The following BCAS3 variants were observed in gnomAD, a reference collection of about 807,000 sequenced individuals.
BCAS3 encodes BCAS3 microtubule associated cell migration factor, also known as BCAS4/BCAS3 fusion.
A neutral mutation model predicts 116.1 loss-of-function variants in BCAS3; 53 were observed. That is an observed-to-expected ratio of 0.46 (90% confidence interval 0.37 to 0.57). The LOEUF (loss-of-function observed/expected upper bound fraction) is 0.57. BCAS3 is among the 20% of genes least tolerant of loss of function. The pLI, the probability that BCAS3 is intolerant of heterozygous loss-of-function variation, is 0.00. For missense variants in BCAS3, 917 were observed against 1,165.4 expected, an observed-to-expected ratio of 0.79 and a Z score of 3.10; for synonymous variants, 391 against 408.2, an observed-to-expected ratio of 0.96 and a Z score of 0.51.
rs755437031 is a variant in BCAS3, at chr17:61,392,023, C to A, written c.2640C>A (p.Gly880=). Residue 880 remains glycine (G), a synonymous_variant, in exon 24 of 24, where the codon GGC becomes GGA. Transcript: ENST00000407086. The surrounding 1 kb of genome is among the most constrained non-coding windows in gnomAD (Gnocchi z 6.4). ...TCGAGACTCTGAGTAACAGCTCAGG[C>A]TCCACCAGCGGCAGCATACCAAGAA... is the stretch of plus-strand genomic sequence containing the variant. The part of the protein sequence containing the change: ...GSIETLSNSS[G]STSGSIPRNF... 1 of 1,613,920 alleles carries A rather than the reference C, an allele frequency of 6.2e-7. No individual in the cohort carries two copies. Among genetic ancestry groups the A allele is most frequent in the African/African-American group, 1.3e-5 (1 of 75,050 alleles).
At chr17:60,926,613 G>A (rs1292669889) in intron 13 of BCAS3, among the ~76,000 whole-genome samples, 7 of 152,202 alleles carry the variant, frequency 4.6e-5, no homozygotes, top group Middle Eastern at 3.4e-3. Context: ...TGAAAAAACA[G>A]CCTGGAAGTT....
At chr17:61,360,131 G>A (rs1215760993) in intron 22 of BCAS3, among the ~76,000 whole-genome samples, 8 of 151,614 alleles carry the variant, frequency 5.3e-5, no homozygotes, top group Non-Finnish European at 8.8e-5. Flanking sequence ...AGCCTCCCAA[G>A]TAGCTGGGAC....
chr17:60,881,769 CTCA>C (rs1439364668), intron 9 of BCAS3, among the ~76,000 whole-genome samples: 2 of 150,950 alleles, frequency 1.3e-5, no homozygotes, highest in Admixed American at 6.6e-5. Flanking sequence ...AGGACATGAA[CTCA>C]TCATTTTTTA....
At chr17:61,187,158 A>T (rs1415401537) in intron 22 of BCAS3, among the ~76,000 whole-genome samples, 1 of 152,234 alleles carries the variant, frequency 6.6e-6, no homozygotes, top group Admixed American at 6.5e-5. Context: ...CAACTTGCCA[A>T]CACAAACCAA....
chr17:61,235,331 C>T lies in BCAS3; in HGVS notation c.2426-132996C>T, dbSNP rs888659953. 1.3e-4 allele frequency among the ~76,000 whole-genome samples: 20 copies of T among 152,190 alleles called. No homozygotes were observed. The highest frequency in any genetic ancestry group is 8.5e-4 in the Admixed American group (13 of 15,280). ...CTAGTTATAGTCTAAGACTTGCAGA[C>T]AGGCAGCCTGGGAAGATCTCAAACA... On this transcript the variant is annotated intron_variant, in intron 22 of 23. Coordinates refer to ENST00000407086, the MANE Select transcript of BCAS3 (RefSeq NM_017679.5). This position sits in a 1 kb window ranked among gnomAD's most constrained non-coding sequence, Gnocchi z 5.0.
intron 22 of BCAS3, among the ~76,000 whole-genome samples, chr17:61,163,220 C>T (rs976011151): frequency 6.6e-6 from 1 of 151,974 alleles, no homozygotes; most frequent in East Asian, 2.0e-4. Context: ...GTCAGGAGAT[C>T]AAGACCATCC....
intron 22 of BCAS3, among the ~76,000 whole-genome samples, chr17:61,314,593 G>T (rs1602616670): frequency 1.3e-5 from 2 of 152,306 alleles, no homozygotes; most frequent in Admixed American, 1.3e-4. Context: ...CAGCTACAGT[G>T]ACTTTGAGTC....
Position 61,300,256 on chromosome 17 carries a change from G to T in BCAS3, c.2426-68071G>T, listed in dbSNP as rs1353543936. Among the ~76,000 whole-genome samples, 1 of 152,184 alleles carries T rather than the reference G, an allele frequency of 6.6e-6. No homozygotes were observed. ...GTCCCAGTTGGTTTCACTGTCCCGA[G>T]ACCCTAAGGATGTTTTCGTAGAGCT... On this transcript the variant is annotated intron_variant, in intron 22 of 23. Transcript: ENST00000407086. The surrounding 1 kb of genome is among the most constrained non-coding windows in gnomAD (Gnocchi z 5.1).
rs114966831 is a variant in BCAS3 at position 60,946,540 on chromosome 17, G to A, written c.1088-679G>A. Among the ~76,000 whole-genome samples the A allele has an allele frequency of 5.3e-3, 810 of 152,230 alleles. 7 individuals are homozygous for A. The highest frequency in any genetic ancestry group is 0.018 in the African/African-American group (753 of 41,528). On this transcript the variant is annotated intron_variant, in intron 13 of 23. Coordinates refer to ENST00000407086, the MANE Select transcript of BCAS3 (RefSeq NM_017679.5). The stretch of plus-strand genomic sequence containing the variant: ...GTTGGATCAGTAGATAAATTGGAGC[G>A]TAGAATTAAAGCTTGAAGAAATTGC...
chr17:61,100,092 A>AT (rs2074230200), intron 22 of BCAS3, among the ~76,000 whole-genome samples: 1 of 152,230 alleles, frequency 6.6e-6, no homozygotes, highest in South Asian at 2.1e-4. Context: ...AACAGTTATT[A>AT]TATAAATGTT....
At chr17:61,386,069 G>A (rs2059831371) in intron 23 of BCAS3, among the ~76,000 whole-genome samples, 1 of 152,216 alleles carries the variant, frequency 6.6e-6, no homozygotes, top group Admixed American at 6.5e-5. Flanking sequence ...CACATTTGCT[G>A]ACTGGAAGCG....
rs1568157931 is a variant in BCAS3, at chr17:60,747,282, G to A, written c.403+3G>A. 3.1e-6 allele frequency: 5 copies of A among 1,609,716 alleles called. No homozygotes were observed. The highest frequency in any genetic ancestry group is 1.3e-5 in the African/African-American group (1 of 74,948). ...AATCTTGCCTGCTCCACAGTTTGGT[G>A]AGTGTAGTCCTTAAGAAAAGAATCT... On this transcript the variant is annotated splice_donor_region_variant and intron_variant, in intron 6 of 23. Transcript: ENST00000407086.
intron 12 of BCAS3, among the ~76,000 whole-genome samples, chr17:60,917,630 G>T (rs1235011124): frequency 6.6e-6 from 1 of 150,396 alleles, no homozygotes; most frequent in Admixed American, 6.6e-5. Context: ...GTCTTGCTCT[G>T]TTACCAAGGC....
At chr17:61,275,126 C>G (rs1214633426) in intron 22 of BCAS3, among the ~76,000 whole-genome samples, 1 of 152,120 alleles carries the variant, frequency 6.6e-6, no homozygotes, top group Non-Finnish European at 1.5e-5. Context: ...ACTAGGATTA[C>G]AGGCATTAGC....
In BCAS3 at chr17:61,392,074, G is replaced by GC. The variant is rs1423562271; in HGVS notation, c.2694dup (p.Thr899HisfsTer3). ...ACTTTGATGGCTACCGATCTCCGCT[G>GC]CCCACCAATGAGAGCCAGCCCCTCA... is the stretch of plus-strand genomic sequence containing the variant. On this transcript the variant is annotated frameshift_variant, in exon 24 of 24. Coordinates refer to ENST00000407086, the MANE Select transcript of BCAS3 (RefSeq NM_017679.5). LOFTEE classifies it high-confidence loss of function. This position sits in a 1 kb window ranked among gnomAD's most constrained non-coding sequence, Gnocchi z 6.4. 6.2e-7 allele frequency: 1 copy of GC among 1,613,698 alleles called. No homozygotes were observed. The highest frequency in any genetic ancestry group is 8.5e-7 in the Non-Finnish European group (1 of 1,179,994).
At chr17:60,743,724 A>C (rs1455230916) in intron 5 of BCAS3, among the ~76,000 whole-genome samples, 1 of 152,192 alleles carries the variant, frequency 6.6e-6, no homozygotes, top group Non-Finnish European at 1.5e-5. Context: ...AGGGCAAGAT[A>C]ACCTTCATTT....
chr17:60,710,800 C>T (rs1336945800), intron 5 of BCAS3, among the ~76,000 whole-genome samples: 1 of 148,492 alleles, frequency 6.7e-6, no homozygotes. Flanking sequence ...GTGTTCCATT[C>T]TGTTCTTTTT....
At chr17:60,910,926 A>G (rs1264797205) in intron 12 of BCAS3, among the ~76,000 whole-genome samples, 3 of 152,152 alleles carry the variant, frequency 2.0e-5, no homozygotes, top group Admixed American at 6.6e-5. Flanking sequence ...TCGAGGTTCT[A>G]AGAGATTCTC....
At position 61,247,811 on chromosome 17, in the gene BCAS3, C is replaced by T. The variant is rs142107658; in HGVS notation, c.2426-120516C>T. Among the ~76,000 whole-genome samples, 78 of 152,314 alleles carry T rather than the reference C, an allele frequency of 5.1e-4. 1 individual carries two copies. Among genetic ancestry groups the T allele is most frequent in the African/African-American group, 1.7e-3 (71 of 41,564 alleles). The stretch of plus-strand genomic sequence containing the variant: ...TTTCTCCTATCTACCATCAGGCCCC[C>T]GCCTCTAGGTTCCTTGGATCTCACC... On this transcript the variant is annotated intron_variant, in intron 22 of 23. Coordinates refer to ENST00000407086, the MANE Select transcript of BCAS3 (RefSeq NM_017679.5).
Sources: allele counts gnomAD v4.1 joint callset (sites outside exome capture counted in the v4.1 genomes callset), GRCh38; gene constraint gnomAD v4.1.1; non-coding constraint Gnocchi (gnomAD v3.1); transcripts MANE v1.5; gene names NCBI Gene and HGNC (gene_info 2026-07-23, HGNC 2026-07-21).